Variants in NAP1L4 observed in about 807,000 individuals in gnomAD.
The protein encoded by NAP1L4 is nucleosome assembly protein 1 like 4.
NAP1L4 carries 15 observed loss-of-function variants against 58.2 expected under a neutral mutation model. That is an observed-to-expected ratio of 0.26 (90% CI 0.17 to 0.40). The LOEUF (loss-of-function observed/expected upper bound fraction) is 0.40. Among genes scored for constraint, NAP1L4 ranks in the 10% least tolerant of loss-of-function variants. NAP1L4 has a pLI of 1.00. For missense variants in NAP1L4, 384 were observed against 451.1 expected (o/e 0.85, Z 1.35); for synonymous variants, 171 against 155.6 (o/e 1.10, Z -0.74).
intron 7 of NAP1L4, among the ~76,000 whole-genome samples, chr11:2,966,695 A>G (rs150594829): frequency 2.0e-5 from 3 of 152,308 alleles, no homozygotes; most frequent in South Asian, 2.1e-4. Flanking sequence ...TCAGTCTCCA[A>G]TGCTGCGCGT....
At position 2,968,097 on chromosome 11, in the gene NAP1L4, G is replaced by A. The variant is rs2133960273; in HGVS notation, c.534+1706C>T. On this transcript the variant is annotated intron_variant, in intron 7 of 15. Transcript: ENST00000380542. The stretch of plus-strand genomic sequence containing the variant: ...CACCCCAGGGCCCATGAGCCAGACA[G>A]CCCCACAGAACCAGAATCCGCACTG... Among the ~76,000 whole-genome samples the A allele has an allele frequency of 2.0e-5, 3 of 152,254 alleles. No homozygotes were observed. The Middle Eastern group carries it at 0.01, about 518-fold the overall frequency.
chr11:2,981,480 C>A (rs1055374373), intron 1 of NAP1L4, among the ~76,000 whole-genome samples: 1 of 147,570 alleles, frequency 6.8e-6, no homozygotes, highest in East Asian at 2.1e-4. Context: ...CTATGCTCAC[C>A]ACCATGACCA....
At position 2,951,599 on chromosome 11, in the gene NAP1L4, G is replaced by A. The variant is rs990566019; in HGVS notation, c.1065+181C>T. Among the ~76,000 whole-genome samples, 11 of 152,188 alleles carry A rather than the reference G, an allele frequency of 7.2e-5. No homozygotes were observed. Among genetic ancestry groups the A allele is most frequent in the Admixed American group, 7.2e-4 (11 of 15,280 alleles). On this transcript the variant is annotated intron_variant, in intron 13 of 15. Coordinates refer to ENST00000380542, the MANE Select transcript of NAP1L4 (RefSeq NM_005969.4). The surrounding 1 kb of genome is among the most constrained non-coding windows in gnomAD (Gnocchi z 4.0). ...ACCAACTGCAGGGTCAAAAACGATG[G>A]AAACTGTCACAGCATTTGCTATGCA... is the stretch of plus-strand genomic sequence containing the variant.
At chr11:2,976,271 G>GTT in intron 3 of NAP1L4, 148 bp from the exon 4 acceptor site, 1 of 589,748 alleles carries the variant, frequency 1.7e-6, no homozygotes, top group Non-Finnish European at 3.0e-6. Context: ...TCTTAAACAT[G>GTT]TTTTGAAAAT....
In NAP1L4 at chr11:2,969,790, G is replaced by C; in HGVS notation, c.534+13C>G. On this transcript the variant is annotated intron_variant, in intron 7 of 15. Coordinates refer to ENST00000380542, the MANE Select transcript of NAP1L4 (RefSeq NM_005969.4). ...TAGCACATAATCTCTCTACAAGACA[G>C]AAGTGTGCTTACCTGGACTAATTCA... 1.9e-6 allele frequency: 3 copies of C among 1,606,536 alleles called. No homozygotes were observed. Among genetic ancestry groups the C allele is most frequent in the Non-Finnish European group, 2.5e-6 (3 of 1,176,534 alleles).
Position 2,971,818 on chromosome 11 carries a change from C to G in NAP1L4, c.315+284G>C, listed in dbSNP as rs1847655115. On this transcript the variant is annotated intron_variant, in intron 5 of 15. Transcript: ENST00000380542. The surrounding 1 kb of genome is among the most constrained non-coding windows in gnomAD (Gnocchi z 4.2). ...GGTGCAGAAGCCATCACACTTTGGG[C>G]ACCAATACAGCCACACTGTGTTCCT... Among the ~76,000 whole-genome samples the G allele has an allele frequency of 6.6e-6, 1 of 151,422 alleles. No individual in the cohort carries two copies. Among genetic ancestry groups the G allele is most frequent in the Non-Finnish European group, 1.5e-5 (1 of 67,802 alleles).
At chr11:2,982,232 G>A (rs1279854709) in intron 1 of NAP1L4, among the ~76,000 whole-genome samples, 1 of 152,152 alleles carries the variant, frequency 6.6e-6, no homozygotes, top group African/African-American at 2.4e-5. Context: ...GAGCATGAAT[G>A]GATTCTGATA....
At chr11:2,958,603 T>C (rs1490169449) in intron 9 of NAP1L4, 59 bp from the exon 10 acceptor site, 5 of 1,555,644 alleles carry the variant, frequency 3.2e-6, no homozygotes, top group Non-Finnish European at 3.5e-6. Flanking sequence ...CCATTACAAA[T>C]GCATGCAGGA....
In NAP1L4 at chr11:2,955,407, T is replaced by C. The variant is rs898627232; in HGVS notation, c.915+337A>G. Among the ~76,000 whole-genome samples the C allele has an allele frequency of 6.6e-6, 1 of 151,934 alleles. No individual in the cohort carries two copies. The highest frequency in any genetic ancestry group is 1.5e-5 in the Non-Finnish European group (1 of 67,994). On this transcript the variant is annotated intron_variant, in intron 11 of 15. Coordinates refer to ENST00000380542, the MANE Select transcript of NAP1L4 (RefSeq NM_005969.4). The surrounding 1 kb of genome is among the most constrained non-coding windows in gnomAD (Gnocchi z 4.2). The stretch of plus-strand genomic sequence containing the variant: ...TTTAAGCAGAAACGGGGTTTCACCA[T>C]GTTGACCAGACTGGTCTTGAACTCC...
At chr11:2,958,244 C>A in intron 10 of NAP1L4, 155 bp downstream of exon 10, 1 of 777,022 alleles carries the variant, frequency 1.3e-6, no homozygotes, top group Non-Finnish European at 2.2e-6. Flanking sequence ...CTTGCCAGCG[C>A]ACCAACAGAA....
At position 2,959,310 on chromosome 11, in the gene NAP1L4, GTGA is replaced by G. The variant is rs566038259; in HGVS notation, c.746+457_746+459del. ...AATTCTAAACCAAATTCTCTCTTTAGTGATTTATAAAGACTGAAATCAGTGAGT... is the reference window on the plus strand; with the variant it reads ...AATTCTAAACCAAATTCTCTCTTTAGTTTATAAAGACTGAAATCAGTGAGT... On this transcript the variant is annotated intron_variant, in intron 9 of 15. Transcript: ENST00000380542. This position sits in a 1 kb window ranked among gnomAD's most constrained non-coding sequence, Gnocchi z 4.9. Among the ~76,000 whole-genome samples the G allele has an allele frequency of 4.7e-3, 719 of 152,268 alleles. 4 individuals are homozygous for G. The highest frequency in any genetic ancestry group is 8.2e-3 in the Non-Finnish European group (560 of 68,022).
At chr11:2,977,219 G>C (rs1223654494) in intron 3 of NAP1L4, among the ~76,000 whole-genome samples, 1 of 152,218 alleles carries the variant, frequency 6.6e-6, no homozygotes, top group African/African-American at 2.4e-5. Context: ...TTGCTGAAGA[G>C]GAAGAGGATA....
Position 2,965,226 on chromosome 11 carries a change from A to G in NAP1L4, c.535-475T>C, listed in dbSNP as rs528472496. ...CCCACCTGTGGCAATAAAGTTGTGC[A>G]TGGCTTAACAATGGGGGCACCTCCT... On this transcript the variant is annotated intron_variant, in intron 7 of 15. Transcript: ENST00000380542. 4.6e-5 allele frequency among the ~76,000 whole-genome samples: 7 copies of G among 152,340 alleles called. No homozygotes were observed. In the South Asian group the frequency reaches 1.4e-3, roughly 32 times the overall value.
intron 1 of NAP1L4, among the ~76,000 whole-genome samples, chr11:2,982,330 A>G (rs1048276446): frequency 1.3e-5 from 2 of 152,210 alleles, no homozygotes; most frequent in Non-Finnish European, 1.5e-5. Flanking sequence ...TGTATCTCAT[A>G]GCACCTTCCT....
rs531952302 is a variant in NAP1L4, at chr11:2,985,607, T to C, written c.-17-6370A>G. Among the ~76,000 whole-genome samples, 40 of 152,322 alleles carry C rather than the reference T, an allele frequency of 2.6e-4. 1 individual carries two copies. In the South Asian group the frequency reaches 8.3e-3, roughly 32 times the overall value. On this transcript the variant is annotated intron_variant, in intron 1 of 15. Transcript: ENST00000380542. ...TTGTCAGAATCAGTATACCACCTAA[T>C]GTGAATTAACTTGACTTAGCCATTC...
chr11:2,965,941 T>G (rs1328564705), intron 7 of NAP1L4, among the ~76,000 whole-genome samples: 1 of 152,216 alleles, frequency 6.6e-6, no homozygotes, highest in Non-Finnish European at 1.5e-5. Context: ...TATCTGTGTC[T>G]GTATCATTTT....
chr11:2,960,997 G>A (rs762372549), intron 8 of NAP1L4, among the ~76,000 whole-genome samples: 1 of 152,082 alleles, frequency 6.6e-6, no homozygotes, highest in Non-Finnish European at 1.5e-5. Context: ...TCTCTACACT[G>A]GAAATAACTC....
At chr11:2,991,039 C>T in intron 1 of NAP1L4, 1 of 452,404 alleles carries the variant, frequency 2.2e-6, no homozygotes, top group Non-Finnish European at 4.5e-6. Context: ...AAAAGTAATG[C>T]AGACTGGGGG....
At chr11:2,964,331 GCAC>G (rs1376726905) in intron 8 of NAP1L4, among the ~76,000 whole-genome samples, 6 of 152,190 alleles carry the variant, frequency 3.9e-5, no homozygotes, top group Admixed American at 6.5e-5. Flanking sequence ...ACAGTGGACA[GCAC>G]CACTACAGCC....
Sources: gnomAD v4.1 joint callset for allele counts (sites outside exome capture counted in the v4.1 genomes callset) on GRCh38, gnomAD v4.1.1 for gene constraint, Gnocchi (gnomAD v3.1) non-coding constraint, MANE v1.5 for transcripts, NCBI Gene and HGNC (gene_info 2026-07-23, HGNC 2026-07-21) for gene names.